Variants in OSBPL2 observed in about 807,000 individuals in gnomAD.
The protein encoded by OSBPL2 is oxysterol-binding protein-related protein 2.
OSBPL2 carries 18 observed loss-of-function variants against 58.4 expected under a neutral mutation model. The ratio of observed to expected loss-of-function variants is 0.31; its 90% CI spans 0.21 to 0.46. The LOEUF is 0.46. OSBPL2 is among the 20% of genes least tolerant of loss of function. The pLI is 1.00. For synonymous variants in OSBPL2, 221 were observed against 234.1 expected, an observed-to-expected ratio of 0.94 and a Z score of 0.51; for missense variants, 461 against 616.5, an observed-to-expected ratio of 0.75 and a Z score of 2.67.
intron 7 of OSBPL2, among the ~76,000 whole-genome samples, chr20:62,279,735 G>A (rs1266471916): frequency 6.6e-6 from 1 of 152,248 alleles, no homozygotes; most frequent in Non-Finnish European, 1.5e-5. Flanking sequence ...TGAGGGCCGG[G>A]GACCGTGAGG....
intron 1 of OSBPL2, among the ~76,000 whole-genome samples, chr20:62,249,210 G>GC (rs1980359335): frequency 1.3e-5 from 2 of 152,100 alleles, no homozygotes; most frequent in Middle Eastern, 3.4e-3. Context: ...CCAAGGAAGT[G>GC]CCCCCCAACC....
In OSBPL2 at chr20:62,288,163, G is replaced by A. The variant is rs1244762401; in HGVS notation, c.1126-1044G>A. On this transcript the variant is annotated intron_variant, in intron 11 of 13. Coordinates refer to ENST00000313733, the MANE Select transcript of OSBPL2 (RefSeq NM_144498.4). This position sits in a 1 kb window ranked among gnomAD's most constrained non-coding sequence, Gnocchi z 4.8. ...GGTGGAGGGGGTGCAGGGGTCTCCA[G>A]ACGACTTCAGTATTTGCTGTGAGTG... 6.6e-6 allele frequency among the ~76,000 whole-genome samples: 1 copy of A among 152,216 alleles called. No individual in the cohort carries two copies. Among genetic ancestry groups the A allele is most frequent in the Non-Finnish European group, 1.5e-5 (1 of 68,028 alleles).
At chr20:62,272,755 G>A (rs1159268169) in intron 5 of OSBPL2, among the ~76,000 whole-genome samples, 1 of 152,234 alleles carries the variant, frequency 6.6e-6, no homozygotes. Flanking sequence ...ACTTAGCCAG[G>A]TGCAGTGTTG....
rs112265550 is a variant in OSBPL2, at chr20:62,251,327, T to G, written c.-128-4730T>G. Among the ~76,000 whole-genome samples, 763 of 151,454 alleles carry G rather than the reference T, an allele frequency of 5.0e-3. 9 individuals carry two copies. Among genetic ancestry groups the G allele is most frequent in the African/African-American group, 0.018 (727 of 41,282 alleles). Reference sequence around the variant, plus strand: ...CCTTGGCCTCGCAAAGTGCTGGGATTACAGACAGGCGTGAGCCACCACGCC... The same window carrying G: ...CCTTGGCCTCGCAAAGTGCTGGGATGACAGACAGGCGTGAGCCACCACGCC... On this transcript the variant is annotated intron_variant, in intron 1 of 13. Coordinates refer to ENST00000313733, the MANE Select transcript of OSBPL2 (RefSeq NM_144498.4).
At position 62,256,502 on chromosome 20, in the gene OSBPL2, T is replaced by TAGGGGATGAAGA. The variant is rs1980932275; in HGVS notation, c.37+281_37+282insAGGGGATGAAGA. Among the ~76,000 whole-genome samples the TAGGGGATGAAGA allele has an allele frequency of 2.0e-5, 3 of 152,340 alleles. No homozygotes were observed. The South Asian group carries it at 6.2e-4, about 32-fold the overall frequency. On this transcript the variant is annotated intron_variant, in intron 2 of 13. Coordinates refer to ENST00000313733, the MANE Select transcript of OSBPL2 (RefSeq NM_144498.4). ...GATAGCCATCTTCTTCCCCTATTTC[T>TAGGGGATGAAGA]GCTTCATGATGAGAACGTTCTAGAT...
At chr20:62,238,650 G>A (rs1979490286) in intron 1 of OSBPL2, 53 bp downstream of exon 1, 2 of 148,086 alleles carry the variant, frequency 1.4e-5, no homozygotes, top group African/African-American at 4.9e-5. Context: ...GGCGAGCTGC[G>A]GGGCCTGGGC....
Position 62,288,367 on chromosome 20 carries a change from G to T in OSBPL2, c.1126-840G>T, listed in dbSNP as rs1983265026. ...CCTGAGTGGAGCCAGGGCCCTGAGG[G>T]CTGCAGAGGCCGGAGGCTGTGGGTG... On this transcript the variant is annotated intron_variant, in intron 11 of 13. Coordinates refer to ENST00000313733, the MANE Select transcript of OSBPL2 (RefSeq NM_144498.4). The surrounding 1 kb of genome is among the most constrained non-coding windows in gnomAD (Gnocchi z 4.8). Among the ~76,000 whole-genome samples the T allele has an allele frequency of 6.6e-6, 1 of 152,118 alleles. No homozygotes were observed. Among genetic ancestry groups the T allele is most frequent in the African/African-American group, 2.4e-5 (1 of 41,426 alleles).
Position 62,284,255 on chromosome 20 carries a change from G to C in OSBPL2, c.996+86G>C, listed in dbSNP as rs778476458. On this transcript the variant is annotated intron_variant, in intron 10 of 13. Coordinates refer to ENST00000313733, the MANE Select transcript of OSBPL2 (RefSeq NM_144498.4). ...CTGCTGCCTTTAGCTCACCTGTTGG[G>C]GTCCCAGGGAACCTTTGGGCCCCAC... 5 of 1,550,334 alleles carry C rather than the reference G, an allele frequency of 3.2e-6. 1 individual carries two copies. The South Asian group carries it at 5.6e-5, about 17-fold the overall frequency.
chr20:62,267,372 G>A (rs6089712), intron 4 of OSBPL2, among the ~76,000 whole-genome samples: 1 of 152,306 alleles, frequency 6.6e-6, no homozygotes, highest in East Asian at 1.9e-4. Flanking sequence ...ATGTCTTCCA[G>A]TCCACAAATT....
chr20:62,273,982 A>G (rs1243076396), intron 6 of OSBPL2, among the ~76,000 whole-genome samples: 1 of 152,040 alleles, frequency 6.6e-6, no homozygotes, highest in Non-Finnish European at 1.5e-5. Context: ...TTCCTATGGA[A>G]CTTTCTTCTA....
chr20:62,289,208 T>G lies in OSBPL2; in HGVS notation c.1127T>G (p.Met376Arg), dbSNP rs1983331510. The change falls in exon 12 of 14, where the codon ATG (methionine) becomes AGG (arginine). Residue 376 changes from methionine to arginine, a missense_variant and splice_region_variant. Physicochemically the swap from Met to Arg is moderately conservative, Grantham distance 91. Around this residue, in one of 5 missense-constraint regions of OSBPL2, gnomAD observed 319 missense variants for 419.2 expected, o/e 0.76. Coordinates refer to ENST00000313733, the MANE Select transcript of OSBPL2 (RefSeq NM_144498.4). ...GTGTCTCTGTGCCTTGCTCCACAGA[T>G]GTATAATTTCACCAGTTTCACTGTG... ...INTRPPNSAQMYNFTSFTVSL... is the reference protein window; with the variant it reads ...INTRPPNSAQRYNFTSFTVSL... The G allele has an allele frequency of 6.2e-7, 1 of 1,613,552 alleles. No homozygotes were observed. The highest frequency in any genetic ancestry group is 1.3e-5 in the African/African-American group (1 of 74,910).
chr20:62,263,020 G>A (rs1245862373), intron 3 of OSBPL2, among the ~76,000 whole-genome samples: 1 of 152,132 alleles, frequency 6.6e-6, no homozygotes, highest in African/African-American at 2.4e-5. Context: ...CCAGCTCCAC[G>A]TTCCTGGTGG....
intron 11 of OSBPL2, among the ~76,000 whole-genome samples, chr20:62,287,963 C>T (rs965934206): frequency 6.6e-6 from 1 of 152,144 alleles, no homozygotes; most frequent in Non-Finnish European, 1.5e-5. Flanking sequence ...GGTTGACTCA[C>T]ACCTGAGAGC....
chr20:62,259,610 C>A (rs1981160890), intron 2 of OSBPL2, among the ~76,000 whole-genome samples: 1 of 152,196 alleles, frequency 6.6e-6, no homozygotes, highest in African/African-American at 2.4e-5. Context: ...GCATCGCAGC[C>A]TTGGGATGGG....
chr20:62,295,347 ATGC>A lies in OSBPL2; in HGVS notation c.*1461_*1463del. The A allele has an allele frequency of 6.6e-6, 1 of 152,182 alleles. No homozygotes were observed. The highest frequency in any genetic ancestry group is 1.5e-5 in the Non-Finnish European group (1 of 68,016). 9.4% of individuals were successfully genotyped at this position (152,182 alleles called of 1,614,324 possible). A position where few individuals can be genotyped will look rare whatever the true frequency, so the allele number is the denominator to read the frequency against. ...GTTGTGTGCACGCACGCACACACTCATGCACACGCTGACACGCGGTTGCATGGA... is the reference window on the plus strand; with the variant it reads ...GTTGTGTGCACGCACGCACACACTCAACACGCTGACACGCGGTTGCATGGA... On this transcript the variant is annotated 3_prime_UTR_variant, in exon 14 of 14. Transcript: ENST00000313733. The surrounding 1 kb of genome is among the most constrained non-coding windows in gnomAD (Gnocchi z 4.8).
At chr20:62,255,653 G>T (rs1266552993) in intron 1 of OSBPL2, among the ~76,000 whole-genome samples, 1 of 152,036 alleles carries the variant, frequency 6.6e-6, no homozygotes, top group South Asian at 2.1e-4. Context: ...ATAGGCGTGC[G>T]CCACCACGCC....
In OSBPL2 at chr20:62,256,936, G is replaced by A. The variant is rs529460169; in HGVS notation, c.37+715G>A. 5.9e-5 allele frequency among the ~76,000 whole-genome samples: 9 copies of A among 152,336 alleles called. No individual in the cohort carries two copies. In the South Asian group the frequency reaches 1.7e-3, roughly 28 times the overall value. ...CTTCTGTGCCTCGGAGTCAGCATCT[G>A]GAATTCCGCTTGTTTTTTCTGGAAA... On this transcript the variant is annotated intron_variant, in intron 2 of 13. Transcript: ENST00000313733.
At position 62,294,133 on chromosome 20, in the gene OSBPL2, A is replaced by T. The variant is rs1163854880; in HGVS notation, c.*246A>T. Reference sequence around the variant, plus strand: ...CGTCTTCATTAAGGTTTCAACAGGGAAATTCTTCACGGCGCCCTTTTATGT... The same window carrying T: ...CGTCTTCATTAAGGTTTCAACAGGGTAATTCTTCACGGCGCCCTTTTATGT... On this transcript the variant is annotated 3_prime_UTR_variant, in exon 14 of 14. Transcript: ENST00000313733. 3.6e-6 allele frequency: 2 copies of T among 560,618 alleles called. No individual in the cohort carries two copies. Among genetic ancestry groups the T allele is most frequent in the African/African-American group, 3.9e-5 (2 of 50,932 alleles). The allele number at this position is 560,618 out of a possible 1,614,324, so 34.7% of individuals were successfully genotyped here. A position where few individuals can be genotyped will look rare whatever the true frequency, so the allele number is the denominator to read the frequency against.
chr20:62,243,123 C>T (rs750487662), intron 1 of OSBPL2, among the ~76,000 whole-genome samples: 11 of 152,208 alleles, frequency 7.2e-5, no homozygotes, highest in African/African-American at 9.7e-5. Context: ...AGTGACATTT[C>T]GGTGACTCCG....
Sources: allele counts gnomAD v4.1 joint callset (sites outside exome capture counted in the v4.1 genomes callset), GRCh38; gene constraint gnomAD v4.1.1; regional missense constraint gnomAD v4.1.1; non-coding constraint Gnocchi (gnomAD v3.1); transcripts MANE v1.5; gene names NCBI Gene and HGNC (gene_info 2026-07-23, HGNC 2026-07-21).